The following LIPI variants were observed in gnomAD, a reference collection of about 807,000 sequenced individuals.
The protein encoded by LIPI is lipase I.
LIPI carries 59 observed loss-of-function variants against 50.6 expected under a neutral mutation model. The observed-to-expected ratio is 1.16, with a 90% CI of 0.94 to 1.45. The LOEUF (loss-of-function observed/expected upper bound fraction) is 1.45. Among genes scored for constraint, LIPI ranks in the 40% most tolerant of loss-of-function variants. The pLI, the probability that LIPI is intolerant of heterozygous loss-of-function variation, is 0.00. For synonymous variants in LIPI, 203 were observed against 178.2 expected (o/e 1.14, Z -1.11); for missense variants, 586 against 536.3 (o/e 1.09, Z -0.92).
At chr21:14,172,174 C>T (rs994741559) in intron 4 of LIPI, among the ~76,000 whole-genome samples, 2 of 151,210 alleles carry the variant, frequency 1.3e-5, no homozygotes, top group African/African-American at 2.4e-5. Flanking sequence ...GAGATACCAT[C>T]TCACACCAGT....
Position 14,166,380 on chromosome 21 carries a change from G to A in LIPI, c.715C>T (p.Pro239Ser). ...AGTATACCTGAGAAAATTGATTTAGGACAGCCAGGTTGTTTATTTCCTCCA... is the reference window on the plus strand; with the variant it reads ...AGTATACCTGAGAAAATTGATTTAGAACAGCCAGGTTGTTTATTTCCTCCA... ...PNGGNKQPGCPKSIFSGIQFI... is the reference protein window; with the variant it reads ...PNGGNKQPGCSKSIFSGIQFI... Residue 239 changes from proline to serine, a missense_variant, in exon 5 of 10, where the codon CCT (proline) becomes TCT (serine). Coordinates refer to ENST00000681601, the MANE Select transcript of LIPI (RefSeq NM_001302998.2). 1 of 1,593,246 alleles carries A rather than the reference G, an allele frequency of 6.3e-7. No homozygotes were observed. The highest frequency in any genetic ancestry group is 8.6e-7 in the Non-Finnish European group (1 of 1,161,166).
At chr21:14,132,628 A>G (rs2017339033) in intron 9 of LIPI, among the ~76,000 whole-genome samples, 1 of 152,188 alleles carries the variant, frequency 6.6e-6, no homozygotes, top group African/African-American at 2.4e-5. Context: ...ACACAAAAAT[A>G]TAAAACTCAC....
At position 14,145,534 on chromosome 21, in the gene LIPI, T is replaced by C. The variant is rs530946999; in HGVS notation, c.1119-735A>G. On this transcript the variant is annotated intron_variant, in intron 8 of 9. Coordinates refer to ENST00000681601, the MANE Select transcript of LIPI (RefSeq NM_001302998.2). ...CCCAAGAGGAACTCCAGCTACTCTA[T>C]TGCACTTTTTCTCACTAGAAAAAAC... Among the ~76,000 whole-genome samples, 232 of 152,020 alleles carry C rather than the reference T, an allele frequency of 1.5e-3. 1 individual carries two copies. Among genetic ancestry groups the C allele is most frequent in the African/African-American group, 5.2e-3 (216 of 41,450 alleles).
At chr21:14,207,455 AAAC>A (rs1378374252) in intron 1 of LIPI, among the ~76,000 whole-genome samples, 1 of 150,100 alleles carries the variant, frequency 6.7e-6, no homozygotes, top group Non-Finnish European at 1.5e-5. Context: ...TTTAATGAAA[AAAC>A]AAGATAGTCA....
At chr21:14,197,594 C>T (rs2019905546) in intron 1 of LIPI, among the ~76,000 whole-genome samples, 1 of 151,926 alleles carries the variant, frequency 6.6e-6, no homozygotes, top group Non-Finnish European at 1.5e-5. Context: ...AAGAACAAAA[C>T]CTCAGAGAAA....
rs563460558 is a variant in LIPI at position 14,193,431 on chromosome 21, A to AC, written c.47-4013dup. Among the ~76,000 whole-genome samples, 465 of 152,008 alleles carry AC rather than the reference A, an allele frequency of 3.1e-3. 2 individuals are homozygous for AC. The highest frequency in any genetic ancestry group is 0.011 in the African/African-American group (447 of 41,472). On this transcript the variant is annotated intron_variant, in intron 1 of 9. Coordinates refer to ENST00000681601, the MANE Select transcript of LIPI (RefSeq NM_001302998.2). The stretch of plus-strand genomic sequence containing the variant: ...ATTTTAAATGTAGGTAGACTAAACA[A>AC]CCCCCCCAACTGAAAACATATTGGC...
At chr21:14,200,482 C>T (rs1197892293) in intron 1 of LIPI, among the ~76,000 whole-genome samples, 1 of 152,034 alleles carries the variant, frequency 6.6e-6, no homozygotes, top group Non-Finnish European at 1.5e-5. Flanking sequence ...AGAGCCAAAT[C>T]AGGAATTAAC....
intron 5 of LIPI, among the ~76,000 whole-genome samples, chr21:14,165,820 T>A (rs911321978): frequency 2.0e-5 from 3 of 152,206 alleles, no homozygotes; most frequent in Non-Finnish European, 4.4e-5. Context: ...CCTCCTCCTT[T>A]TCACCAAACT....
At chr21:14,130,758 C>T (rs953556326) in intron 9 of LIPI, among the ~76,000 whole-genome samples, 3 of 152,136 alleles carry the variant, frequency 2.0e-5, no homozygotes, top group African/African-American at 7.2e-5. Flanking sequence ...AATAACTACT[C>T]CCCTAATGCC....
chr21:14,163,725 A>T (rs2018576915), intron 6 of LIPI, among the ~76,000 whole-genome samples: 1 of 152,028 alleles, frequency 6.6e-6, no homozygotes. Context: ...TTCAGGATTC[A>T]CAAATAAATC....
At chr21:14,193,165 C>T (rs1422554959) in intron 1 of LIPI, among the ~76,000 whole-genome samples, 2 of 151,756 alleles carry the variant, frequency 1.3e-5, no homozygotes, top group Non-Finnish European at 2.9e-5. Context: ...AAGTTAGTAT[C>T]AATTTTAAAA....
chr21:14,155,452 AAC>A (rs1471231738), intron 7 of LIPI, among the ~76,000 whole-genome samples: 3 of 152,016 alleles, frequency 2.0e-5, no homozygotes, highest in African/African-American at 4.8e-5. Context: ...GAAAAAAATA[AAC>A]ACAGATTGAA....
intron 1 of LIPI, among the ~76,000 whole-genome samples, chr21:14,193,441 CTGAAAACATATTG>C (rs1179824222): frequency 6.6e-6 from 1 of 152,016 alleles, no homozygotes; most frequent in African/African-American, 2.4e-5. Context: ...ACCCCCCCAA[CTGAAAACATATTG>C]GCAGAATGAA....
chr21:14,158,951 C>A (rs897987360), intron 7 of LIPI, among the ~76,000 whole-genome samples: 1 of 151,302 alleles, frequency 6.6e-6, no homozygotes, highest in East Asian at 1.9e-4. Context: ...AATAGATAAT[C>A]CAAATAGTCT....
At chr21:14,110,867 T>A (rs2016380787) in intron 9 of LIPI, among the ~76,000 whole-genome samples, 1 of 150,092 alleles carries the variant, frequency 6.7e-6, no homozygotes, top group East Asian at 1.9e-4. Context: ...CTATCTATCA[T>A]CTATCTCTCT....
chr21:14,123,740 A>G (rs1012889077), intron 9 of LIPI, among the ~76,000 whole-genome samples: 7 of 152,154 alleles, frequency 4.6e-5, no homozygotes, highest in African/African-American at 1.4e-4. Context: ...ATGTGAAACC[A>G]AATTATAAGA....
rs577852613 is a variant in LIPI at position 14,149,176 on chromosome 21, C to T, written c.1118+3397G>A. Among the ~76,000 whole-genome samples the T allele has an allele frequency of 3.3e-5, 5 of 152,262 alleles. No individual in the cohort carries two copies. The East Asian group carries it at 9.7e-4, about 29-fold the overall frequency. On this transcript the variant is annotated intron_variant, in intron 8 of 9. Coordinates refer to ENST00000681601, the MANE Select transcript of LIPI (RefSeq NM_001302998.2). ...TGCTGAGGAGGCCTCAGGAAACTTA[C>T]AAACATGGCAGAAGGGAAAGCAACA... is the stretch of plus-strand genomic sequence containing the variant.
At chr21:14,130,563 C>A (rs570018344) in intron 9 of LIPI, among the ~76,000 whole-genome samples, 5 of 152,290 alleles carry the variant, frequency 3.3e-5, no homozygotes, top group African/African-American at 1.2e-4. Flanking sequence ...CAGTTTCTTG[C>A]TCATTCAGCA....
chr21:14,125,175 A>T (rs1210068896), intron 9 of LIPI, among the ~76,000 whole-genome samples: 1 of 152,192 alleles, frequency 6.6e-6, no homozygotes, highest in Non-Finnish European at 1.5e-5. Context: ...AAATACACAC[A>T]TGCATAAGAG....
Sources: allele counts gnomAD v4.1 joint callset (sites outside exome capture counted in the v4.1 genomes callset), GRCh38; gene constraint gnomAD v4.1.1; transcripts MANE v1.5; gene names NCBI Gene and HGNC (gene_info 2026-07-23, HGNC 2026-07-21).